NRG2: variants seen among roughly 807,000 people sequenced by gnomAD.
NRG2 encodes pro-neuregulin-2, membrane-bound isoform.
In NRG2, 27 loss-of-function variants were observed where a neutral mutation model predicts 73.9. That is an observed-to-expected ratio of 0.37 (90% confidence interval 0.27 to 0.50). The LOEUF is 0.50. Among genes scored for constraint, NRG2 ranks in the 20% least tolerant of loss-of-function variants. The pLI is 0.96. For synonymous variants in NRG2, 532 were observed against 541.0 expected (o/e 0.98, Z 0.23); for missense variants, 1,126 against 1,210.1 (o/e 0.93, Z 1.03).
chr5:140,028,446 G>A (rs1760873952), intron 1 of NRG2, among the ~76,000 whole-genome samples: 1 of 152,160 alleles, frequency 6.6e-6, no homozygotes, highest in South Asian at 2.1e-4. Context: ...ATTTGGTGTG[G>A]AGGACAGATA....
chr5:140,022,767 C>T (rs1232415990), intron 1 of NRG2, among the ~76,000 whole-genome samples: 1 of 152,092 alleles, frequency 6.6e-6, no homozygotes. Context: ...TAGAACAGTG[C>T]CAAGTACGTA....
intron 1 of NRG2, among the ~76,000 whole-genome samples, chr5:139,933,239 C>T (rs918964428): frequency 2.0e-5 from 3 of 151,984 alleles, no homozygotes; most frequent in Non-Finnish European, 4.4e-5. Flanking sequence ...CATACCATTG[C>T]ACTCCAGCCT....
Position 139,887,241 on chromosome 5 carries a change from C to A in NRG2, c.872+99G>T. 3.5e-6 allele frequency: 5 copies of A among 1,408,652 alleles called. No homozygotes were observed. The Admixed American group carries it at 7.0e-5, about 20-fold the overall frequency. The allele number at this position is 1,408,652 out of a possible 1,614,324, so 87.3% of individuals were successfully genotyped here. ...GCTGGGACTGGTTCCATGGGTGAGT[C>A]TGGGGGCACAGCCCTGGCCTCTGCC... On this transcript the variant is annotated intron_variant, in intron 2 of 9. Transcript: ENST00000361474. This position sits in a 1 kb window ranked among gnomAD's most constrained non-coding sequence, Gnocchi z 4.5.
At chr5:139,953,042 T>G (rs1000459543) in intron 1 of NRG2, among the ~76,000 whole-genome samples, 2 of 151,968 alleles carry the variant, frequency 1.3e-5, no homozygotes, top group Admixed American at 1.3e-4. Context: ...GAGGCCTCAA[T>G]AAAGAGAGAA....
chr5:140,040,782 T>C (rs144396177), intron 1 of NRG2, among the ~76,000 whole-genome samples: 155 of 152,288 alleles, frequency 1.0e-3, no homozygotes, highest in Non-Finnish European at 1.8e-3. Context: ...AAATACTTAA[T>C]AGAATAAAAA....
At chr5:139,978,400 A>G (rs1253855859) in intron 1 of NRG2, among the ~76,000 whole-genome samples, 1 of 152,232 alleles carries the variant, frequency 6.6e-6, no homozygotes, top group Non-Finnish European at 1.5e-5. Context: ...ATGAGATACT[A>G]TTTCACACCA....
intron 1 of NRG2, among the ~76,000 whole-genome samples, chr5:140,010,856 C>A (rs989182187): frequency 6.6e-6 from 1 of 152,228 alleles, no homozygotes; most frequent in Non-Finnish European, 1.5e-5. Context: ...CGTGCTCCCC[C>A]ACAGGCTCTC....
intron 1 of NRG2, among the ~76,000 whole-genome samples, chr5:140,004,841 C>T (rs551552378): frequency 6.6e-6 from 1 of 152,084 alleles, no homozygotes; most frequent in Non-Finnish European, 1.5e-5. Flanking sequence ...AGTGTTAATT[C>T]CTAGCTTTGA....
chr5:139,955,352 G>A (rs991880864), intron 1 of NRG2, among the ~76,000 whole-genome samples: 6 of 152,104 alleles, frequency 3.9e-5, no homozygotes, highest in South Asian at 4.1e-4. Context: ...GAGCAGCAGC[G>A]GCAGAGGCCC....
chr5:139,894,733 G>C lies in NRG2; in HGVS notation c.701-7222C>G, dbSNP rs1007767654. On this transcript the variant is annotated intron_variant, in intron 1 of 9. Transcript: ENST00000361474. This position sits in a 1 kb window ranked among gnomAD's most constrained non-coding sequence, Gnocchi z 5.0. Reference sequence around the variant, plus strand: ...TGCAACAGTCCCTATGATGTACGAGGCACTTACCAGTCACCAGGGATTTGG... The same window carrying C: ...TGCAACAGTCCCTATGATGTACGAGCCACTTACCAGTCACCAGGGATTTGG... Among the ~76,000 whole-genome samples the C allele has an allele frequency of 1.3e-5, 2 of 152,194 alleles. No homozygotes were observed. Among genetic ancestry groups the C allele is most frequent in the East Asian group, 1.9e-4 (1 of 5,194 alleles).
intron 1 of NRG2, among the ~76,000 whole-genome samples, chr5:139,977,583 G>GA (rs979312716): frequency 6.6e-6 from 1 of 152,044 alleles, no homozygotes; most frequent in Non-Finnish European, 1.5e-5. Context: ...CACAGAATTG[G>GA]AAAAAACTAC....
At chr5:139,875,991 T>A (rs1276663887) in intron 3 of NRG2, among the ~76,000 whole-genome samples, 1 of 152,094 alleles carries the variant, frequency 6.6e-6, no homozygotes, top group Admixed American at 6.5e-5. Context: ...CCTAGGTGTA[T>A]CCCCAAGAGA....
chr5:139,921,718 C>G (rs1751678049), intron 1 of NRG2, among the ~76,000 whole-genome samples: 1 of 152,098 alleles, frequency 6.6e-6, no homozygotes, highest in Non-Finnish European at 1.5e-5. Context: ...CTATACAACA[C>G]CAATGGCATA....
intron 1 of NRG2, among the ~76,000 whole-genome samples, chr5:140,007,945 G>GA (rs1759041744): frequency 6.6e-6 from 1 of 152,198 alleles, no homozygotes; most frequent in African/African-American, 2.4e-5. Flanking sequence ...TGGCGAAGCC[G>GA]ATACCTGAAC....
chr5:139,903,662 C>G (rs1224646194), intron 1 of NRG2, among the ~76,000 whole-genome samples: 1 of 152,204 alleles, frequency 6.6e-6, no homozygotes, highest in African/African-American at 2.4e-5. Flanking sequence ...TCCAAGGGCC[C>G]AAGAGAGTCA....
chr5:139,858,227 T>C (rs768255157), intron 5 of NRG2, among the ~76,000 whole-genome samples: 1 of 152,208 alleles, frequency 6.6e-6, no homozygotes, highest in Non-Finnish European at 1.5e-5. Flanking sequence ...GCTTCAGAGA[T>C]GCTGGAAGTC....
intron 2 of NRG2, among the ~76,000 whole-genome samples, 164 bp from the exon 3 acceptor site, chr5:139,881,138 G>A (rs1258066443): frequency 6.6e-6 from 1 of 152,212 alleles, no homozygotes; most frequent in Non-Finnish European, 1.5e-5. Flanking sequence ...TCCAGGTGGG[G>A]CACGGAGTCC....
chr5:139,867,798 A>AGTG (rs1762571780), intron 4 of NRG2, among the ~76,000 whole-genome samples: 5 of 57,240 alleles, frequency 8.7e-5, no homozygotes, highest in African/African-American at 2.0e-4. Context: ...GTGTGTGTGT[A>AGTG]TGAGTGTGTG....
chr5:139,920,608 G>A (rs1040735316), intron 1 of NRG2, among the ~76,000 whole-genome samples: 3 of 151,720 alleles, frequency 2.0e-5, no homozygotes, highest in Non-Finnish European at 4.4e-5. Flanking sequence ...AATGAAGTAG[G>A]GGGGATCAGG....
Sources: gnomAD v4.1 joint callset for allele counts (sites outside exome capture counted in the v4.1 genomes callset) on GRCh38, gnomAD v4.1.1 for gene constraint, Gnocchi (gnomAD v3.1) non-coding constraint, MANE v1.5 for transcripts, NCBI Gene and HGNC (gene_info 2026-07-23, HGNC 2026-07-21) for gene names.